The following AFG1L variants were observed in gnomAD, a reference collection of about 807,000 sequenced individuals.
AFG1L encodes the protein AFG1-like ATPase.
Under a neutral mutation model 62.2 loss-of-function variants are expected in AFG1L, and 53 were observed. That is an observed-to-expected ratio of 0.85 (90% CI 0.68 to 1.07). The LOEUF (loss-of-function observed/expected upper bound fraction) is 1.07. AFG1L is among the 50% of genes least tolerant of loss of function. The pLI, the probability that AFG1L is intolerant of heterozygous loss-of-function variation, is 0.00. For missense variants in AFG1L, 555 were observed against 590.5 expected (o/e 0.94, Z 0.62); for synonymous variants, 228 against 210.3 (o/e 1.08, Z -0.73).
chr6:108,298,239 C>G (rs946280232), intron 1 of AFG1L, among the ~76,000 whole-genome samples: 1 of 150,350 alleles, frequency 6.7e-6, no homozygotes, highest in African/African-American at 2.5e-5. Flanking sequence ...GAGGAAGCAG[C>G]TCTGCTTGGA....
chr6:108,522,528 C>T lies in AFG1L; in HGVS notation c.*103C>T. On this transcript the variant is annotated 3_prime_UTR_variant, in exon 13 of 13. Coordinates refer to ENST00000368977, the MANE Select transcript of AFG1L (RefSeq NM_145315.5). ...TCATTTTCTCATCATTAATTATGCA[C>T]TTTGTCCTCTGGACCATTTTAATCT... The T allele has an allele frequency of 7.8e-7, 1 of 1,290,086 alleles. No individual in the cohort carries two copies. The highest frequency in any genetic ancestry group is 1.6e-5 in the South Asian group (1 of 64,280). The allele number at this position is 1,290,086 out of a possible 1,614,324, so 79.9% of individuals were successfully genotyped here. A position where few individuals can be genotyped will look rare whatever the true frequency, so the allele number is the denominator to read the frequency against.
At chr6:108,469,701 C>G (rs1772810353) in intron 8 of AFG1L, among the ~76,000 whole-genome samples, 1 of 152,146 alleles carries the variant, frequency 6.6e-6, no homozygotes, top group Non-Finnish European at 1.5e-5. Flanking sequence ...TTGCAGTGAA[C>G]TAACTTGCAT....
intron 8 of AFG1L, among the ~76,000 whole-genome samples, chr6:108,470,623 A>C (rs925092143): frequency 1.3e-5 from 2 of 152,220 alleles, no homozygotes; most frequent in Non-Finnish European, 2.9e-5. Context: ...ACTTAACCAA[A>C]TTCCCCATTG....
At chr6:108,431,987 T>G (rs879494634) in intron 7 of AFG1L, among the ~76,000 whole-genome samples, 3 of 150,466 alleles carry the variant, frequency 2.0e-5, no homozygotes, top group Non-Finnish European at 4.4e-5. Context: ...CAACTCTCTG[T>G]GCTGGTCTTC....
At chr6:108,306,601 C>T (rs985209212) in intron 1 of AFG1L, among the ~76,000 whole-genome samples, 1 of 152,182 alleles carries the variant, frequency 6.6e-6, no homozygotes, top group Admixed American at 6.5e-5. Flanking sequence ...TTATATTTCT[C>T]CCATTCATTC....
rs779834282 is a variant in AFG1L at position 108,366,286 on chromosome 6, C to A, written c.702C>A (p.Phe234Leu). ...TGAAACAGCTTTTTGAAAATCTGTT[C>A]AAAAACGGGGTCGTCGTTGTGGCAA... The part of the protein sequence containing the change: ...MILKQLFENL[F>L]KNGVVVVATS... Residue 234 changes from phenylalanine (F) to leucine (L), a missense_variant, in exon 6 of 13, where the codon TTC becomes TTA. Physicochemically the swap from Phe to Leu is conservative, Grantham distance 22. Transcript: ENST00000368977. 8 of 1,612,066 alleles carry A rather than the reference C, an allele frequency of 5.0e-6. No homozygotes were observed. Among genetic ancestry groups the A allele is most frequent in the East Asian group, 2.2e-5 (1 of 44,846 alleles).
intron 10 of AFG1L, among the ~76,000 whole-genome samples, chr6:108,502,743 A>G (rs1002534646): frequency 2.0e-5 from 3 of 152,192 alleles, no homozygotes; most frequent in Non-Finnish European, 4.4e-5. Flanking sequence ...TTGCTGTACA[A>G]TGGACTCTTG....
At chr6:108,406,274 C>T (rs1468826850) in intron 7 of AFG1L, among the ~76,000 whole-genome samples, 2 of 150,902 alleles carry the variant, frequency 1.3e-5, no homozygotes, top group Non-Finnish European at 2.9e-5. Context: ...TCCAGTTTCT[C>T]TGCATTTTCC....
chr6:108,385,023 G>A (rs1780702712), intron 6 of AFG1L, among the ~76,000 whole-genome samples: 1 of 152,136 alleles, frequency 6.6e-6, no homozygotes, highest in Admixed American at 6.5e-5. Context: ...TGAAAAAACA[G>A]TGACTGAAAA....
At chr6:108,333,437 T>G (rs1433026876) in intron 2 of AFG1L, among the ~76,000 whole-genome samples, 1 of 151,252 alleles carries the variant, frequency 6.6e-6, no homozygotes, top group African/African-American at 2.4e-5. Flanking sequence ...TATGGATCGC[T>G]CTCTAGAATA....
At chr6:108,504,186 GCTAA>G (rs1426258780) in intron 10 of AFG1L, among the ~76,000 whole-genome samples, 1 of 152,128 alleles carries the variant, frequency 6.6e-6, no homozygotes, top group African/African-American at 2.4e-5. Flanking sequence ...TCACAACTTG[GCTAA>G]CTGTTTGGCT....
chr6:108,439,127 G>A (rs982284616), intron 7 of AFG1L, among the ~76,000 whole-genome samples: 25 of 152,248 alleles, frequency 1.6e-4, no homozygotes, highest in African/African-American at 5.3e-4. Context: ...TACGTAACAG[G>A]CTAAAACCAC....
chr6:108,496,470 G>T (rs1393057968), intron 10 of AFG1L, among the ~76,000 whole-genome samples: 7 of 152,178 alleles, frequency 4.6e-5, no homozygotes, highest in Admixed American at 1.3e-4. Context: ...ACGTAAATGA[G>T]TGTGGCAACA....
intron 1 of AFG1L, among the ~76,000 whole-genome samples, chr6:108,296,443 C>T (rs1267402620): frequency 6.6e-6 from 1 of 151,818 alleles, no homozygotes; most frequent in African/African-American, 2.4e-5. Context: ...TTTTTCTATC[C>T]CTATCCCTTA....
intron 2 of AFG1L, 92 bp downstream of exon 2, chr6:108,324,140 T>A: frequency 2.2e-6 from 2 of 908,754 alleles, no homozygotes; most frequent in Non-Finnish European, 3.3e-6. Context: ...TCATGAAACA[T>A]CTTGAAAAAT....
chr6:108,324,291 T>G (rs1052808664), intron 2 of AFG1L, among the ~76,000 whole-genome samples: 2 of 152,240 alleles, frequency 1.3e-5, no homozygotes, highest in East Asian at 3.8e-4. Context: ...AAATAAAAAC[T>G]TCTATGGAAA....
chr6:108,333,895 G>A (rs1283171391), intron 2 of AFG1L, among the ~76,000 whole-genome samples: 2 of 152,162 alleles, frequency 1.3e-5, no homozygotes, highest in African/African-American at 4.8e-5. Flanking sequence ...GCTGGAGGGT[G>A]GGTAACGAGG....
At chr6:108,484,940 A>G (rs956536639) in intron 10 of AFG1L, among the ~76,000 whole-genome samples, 1 of 152,114 alleles carries the variant, frequency 6.6e-6, no homozygotes, top group African/African-American at 2.4e-5. Context: ...TTTTTTTTAT[A>G]TCTTACTATT....
At chr6:108,350,759 ATT>A (rs1779049047) in intron 3 of AFG1L, among the ~76,000 whole-genome samples, 1 of 152,164 alleles carries the variant, frequency 6.6e-6, no homozygotes, top group Admixed American at 6.5e-5. Flanking sequence ...ATAAAAGTAC[ATT>A]TTGCTTATCA....
Sources: allele counts gnomAD v4.1 joint callset (sites outside exome capture counted in the v4.1 genomes callset), GRCh38; gene constraint gnomAD v4.1.1; transcripts MANE v1.5; gene names NCBI Gene and HGNC (gene_info 2026-07-23, HGNC 2026-07-21).